The following ACOT11 variants were observed in gnomAD, a reference collection of about 807,000 sequenced individuals.
The protein encoded by ACOT11 is acyl-CoA thioesterase 11, also known as acyl-coenzyme A thioesterase 11.
A neutral mutation model predicts 77.5 loss-of-function variants in ACOT11; 69 were observed. The ratio of observed to expected loss-of-function variants is 0.89; its 90% CI spans 0.73 to 1.09. The LOEUF is 1.09. Ranked by LOEUF, ACOT11 falls within the 50% of genes least tolerant of loss-of-function variation. The probability of loss-of-function intolerance (pLI) is 0.00; values close to 1 mark genes in which losing one functional copy is unlikely to be tolerated. For missense variants in ACOT11, 766 were observed against 813.7 expected (o/e 0.94, Z 0.71); for synonymous variants, 279 against 313.0 (o/e 0.89, Z 1.15).
At chr1:54,608,890 G>A (rs1221253527) in intron 15 of ACOT11, 67 bp from the exon 16 acceptor site, 1 of 1,512,398 alleles carries the variant, frequency 6.6e-7, no homozygotes, top group African/African-American at 1.4e-5. Flanking sequence ...GTGCCCACTG[G>A]GCTCCCACCC....
chr1:54,607,132 A>C lies in ACOT11; in HGVS notation c.1371-2A>C. On this transcript the variant is annotated splice_acceptor_variant, in intron 13 of 15. Coordinates refer to ENST00000343744, the MANE Select transcript of ACOT11 (RefSeq NM_147161.4). LOFTEE classifies it high-confidence loss of function. The surrounding 1 kb of genome is among the most constrained non-coding windows in gnomAD (Gnocchi z 4.5). ...GGCACTGAGATCCCGGCCTCCCCAC[A>C]GGAGCGTGGAGCTAGTGCAGCAGGT... 6.2e-7 allele frequency: 1 copy of C among 1,614,050 alleles called. No homozygotes were observed. The highest frequency in any genetic ancestry group is 8.5e-7 in the Non-Finnish European group (1 of 1,179,992).
intron 15 of ACOT11, among the ~76,000 whole-genome samples, chr1:54,616,358 TG>T (rs1394237141): frequency 6.6e-6 from 1 of 152,162 alleles, no homozygotes; most frequent in Non-Finnish European, 1.5e-5. Context: ...TTTTCTTCTA[TG>T]CATAGGTTTT....
At chr1:54,590,713 A>G (rs965886718) in intron 3 of ACOT11, among the ~76,000 whole-genome samples, 2 of 152,188 alleles carry the variant, frequency 1.3e-5, no homozygotes, top group African/African-American at 2.4e-5. Context: ...ACATTTTTCT[A>G]AATTTGCTGT....
At chr1:54,586,732 CCTTTT>C (rs564509980) in intron 3 of ACOT11, among the ~76,000 whole-genome samples, 171 of 152,234 alleles carry the variant, frequency 1.1e-3, no homozygotes, top group African/African-American at 3.3e-3. Flanking sequence ...CCACACCTGG[CCTTTT>C]CTTTTCTTTT....
At chr1:54,548,449 C>T (rs1652949685) in intron 1 of ACOT11, 107 bp downstream of exon 1, 1 of 1,347,196 alleles carries the variant, frequency 7.4e-7, no homozygotes, top group Admixed American at 2.3e-5. Context: ...CTCACACTCT[C>T]CACGGGCCAT....
At chr1:54,631,652 A>G (rs1644300696) in intron 16 of ACOT11, among the ~76,000 whole-genome samples, 1 of 152,180 alleles carries the variant, frequency 6.6e-6, no homozygotes, top group African/African-American at 2.4e-5. Flanking sequence ...GCCATGGAAC[A>G]GCTTAGAGCA....
intron 15 of ACOT11, among the ~76,000 whole-genome samples, chr1:54,619,475 C>A (rs1644207562): frequency 6.6e-6 from 1 of 152,122 alleles, no homozygotes; most frequent in African/African-American, 2.4e-5. Context: ...CCCAGGAGAA[C>A]CTGTGTGTAA....
rs1363352481 is a variant in ACOT11, at chr1:54,622,266, ACT to A, written c.1630-8465_1630-8464del. Among the ~76,000 whole-genome samples the A allele has an allele frequency of 1.1e-4, 11 of 104,584 alleles. No homozygotes were observed. In the East Asian group the frequency reaches 2.1e-3, roughly 20 times the overall value. 68.6% of individuals were successfully genotyped at this position (104,584 alleles called of 152,430 possible). A position where few individuals can be genotyped will look rare whatever the true frequency, so the allele number is the denominator to read the frequency against. On this transcript the variant is annotated intron_variant, in intron 15 of 16. Transcript: ENST00000371316. ...ACTCTAGGCTGAGTGACAGAGTGAG[ACT>A]CTGTCTCAAAAAAAAAAAAAAAAAA...
At chr1:54,615,094 G>C (rs77314204), downstream of ACOT11, among the ~76,000 whole-genome samples, 3 of 152,110 alleles carry the variant, frequency 2.0e-5, no homozygotes, top group Non-Finnish European at 4.4e-5. Flanking sequence ...CATCTCCTGC[G>C]GGGAGGAAAC....
At chr1:54,611,607 G>A (rs1202492642), downstream of ACOT11, 1 of 1,613,816 alleles carries the variant, frequency 6.2e-7, no homozygotes, top group Middle Eastern at 1.6e-4. Flanking sequence ...TCTCCTTACA[G>A]GCCAGCTGCT....
chr1:54,615,977 C>T, intron 15 of ACOT11: 2 of 1,604,624 alleles, frequency 1.2e-6, no homozygotes, highest in Non-Finnish European at 1.7e-6. Flanking sequence ...GCCCCAGGGC[C>T]AGAGGGCTGG....
intron 15 of ACOT11, among the ~76,000 whole-genome samples, chr1:54,629,058 C>CAAA (rs768933265): frequency 8.4e-4 from 30 of 35,584 alleles, no homozygotes; most frequent in Non-Finnish European, 1.1e-3. Flanking sequence ...GACTCCGTCT[C>CAAA]AAAAAAAAAA....
In ACOT11 at chr1:54,610,045, C is replaced by A; in HGVS notation, c.*933C>A. 1.4e-6 allele frequency: 2 copies of A among 1,450,662 alleles called. No individual in the cohort carries two copies. 89.9% of individuals were successfully genotyped at this position (1,450,662 alleles called of 1,614,324 possible). On this transcript the variant is annotated 3_prime_UTR_variant, in exon 16 of 16. Coordinates refer to ENST00000343744, the MANE Select transcript of ACOT11 (RefSeq NM_147161.4). ...GTGGGAGTTATGGGGTCATCAAGGACCTTGCCTCTCTGGAATCTGTCAACC... is the reference window on the plus strand; with the variant it reads ...GTGGGAGTTATGGGGTCATCAAGGAACTTGCCTCTCTGGAATCTGTCAACC...
At position 54,607,119 on chromosome 1, in the gene ACOT11, C is replaced by G. The variant is rs773103652; in HGVS notation, c.1371-15C>G. On this transcript the variant is annotated splice_polypyrimidine_tract_variant and intron_variant, in intron 13 of 15. Transcript: ENST00000343744. This position sits in a 1 kb window ranked among gnomAD's most constrained non-coding sequence, Gnocchi z 4.5. ...GGAAGCTTCCTGGGGCACTGAGATC[C>G]CGGCCTCCCCACAGGAGCGTGGAGC... The G allele has an allele frequency of 6.2e-7, 1 of 1,613,602 alleles. No homozygotes were observed. The highest frequency in any genetic ancestry group is 1.3e-5 in the African/African-American group (1 of 74,930).
chr1:54,615,920 G>C (rs1484461215), intron 15 of ACOT11: 58 of 1,249,522 alleles, frequency 4.6e-5, no homozygotes, highest in Non-Finnish European at 6.6e-5. Context: ...TGAGCACCTC[G>C]TGTCAGGGCT....
chr1:54,561,469 C>G, intron 1 of ACOT11, among the ~76,000 whole-genome samples: 1 of 120,294 alleles, frequency 8.3e-6, no homozygotes, highest in East Asian at 2.3e-4. Flanking sequence ...TTTCTTAGTG[C>G]AGAACGAAAT....
At chr1:54,582,096 T>C (rs1005113995) in intron 1 of ACOT11, among the ~76,000 whole-genome samples, 5 of 152,198 alleles carry the variant, frequency 3.3e-5, no homozygotes, top group Non-Finnish European at 7.4e-5. Context: ...TCAGGGGCCC[T>C]GCTTAGAGGA....
Position 54,592,533 on chromosome 1 carries a change from T to C in ACOT11, c.312-13T>C. The C allele has an allele frequency of 1.2e-6, 2 of 1,609,606 alleles. No homozygotes were observed. Among genetic ancestry groups the C allele is most frequent in the Non-Finnish European group, 1.7e-6 (2 of 1,177,744 alleles). ...CCCTCTGGAAGGCTCACCTCCTACT[T>C]TCCTCTCCCCAGTGTTGGACAAGTG... On this transcript the variant is annotated splice_polypyrimidine_tract_variant and intron_variant, in intron 3 of 15. Coordinates refer to ENST00000343744, the MANE Select transcript of ACOT11 (RefSeq NM_147161.4).
downstream of ACOT11, chr1:54,610,411 C>G: frequency 6.2e-7 from 1 of 1,612,858 alleles, no homozygotes; most frequent in Non-Finnish European, 8.5e-7. Context: ...GTAGACCTTA[C>G]CTGGGAGGGT....
Sources: allele counts gnomAD v4.1 joint callset (sites outside exome capture counted in the v4.1 genomes callset), GRCh38; gene constraint gnomAD v4.1.1; non-coding constraint Gnocchi (gnomAD v3.1); transcripts MANE v1.5; gene names NCBI Gene and HGNC (gene_info 2026-07-23, HGNC 2026-07-21).